Variants in NARS2 observed in about 807,000 individuals in gnomAD.
The protein encoded by NARS2 is asparaginyl-tRNA synthetase 2, mitochondrial.
A neutral mutation model predicts 62.9 loss-of-function variants in NARS2; 60 were observed. That is an observed-to-expected ratio of 0.95 (90% CI 0.77 to 1.18). The LOEUF (loss-of-function observed/expected upper bound fraction) is 1.18. NARS2 is among the 50% of genes most tolerant of loss of function. The probability of loss-of-function intolerance (pLI) is 0.00; values close to 1 mark genes in which losing one functional copy is unlikely to be tolerated. For missense variants in NARS2, 619 were observed against 576.4 expected, an observed-to-expected ratio of 1.07 and a Z score of -0.76; for synonymous variants, 196 against 200.0, an observed-to-expected ratio of 0.98 and a Z score of 0.17.
At chr11:78,451,684 C>T (rs1269093191) in intron 11 of NARS2, among the ~76,000 whole-genome samples, 4 of 152,216 alleles carry the variant, frequency 2.6e-5, no homozygotes, top group African/African-American at 7.2e-5. Flanking sequence ...AAAAGTGCTA[C>T]AGCAGAGATT....
chr11:78,441,896 T>A (rs1199992552), intron 12 of NARS2, among the ~76,000 whole-genome samples: 1 of 152,208 alleles, frequency 6.6e-6, no homozygotes, highest in Middle Eastern at 3.2e-3. Flanking sequence ...AATAAAATTT[T>A]AAATTCTTAG....
intron 5 of NARS2, among the ~76,000 whole-genome samples, chr11:78,554,029 TG>T (rs796359451): frequency 9.8e-5 from 15 of 152,330 alleles, no homozygotes; most frequent in African/African-American, 3.4e-4. Context: ...TTGTCAGCTT[TG>T]GGGAGGATCA....
chr11:78,563,808 G>A (rs67659196), intron 4 of NARS2, among the ~76,000 whole-genome samples: 65,169 of 94,052 alleles, frequency 0.69, 23,627 homozygotes, highest in Non-Finnish European at 0.8. Flanking sequence ...TCCAGCCTGG[G>A]CAACAGAGTG....
chr11:78,510,271 T>A (rs1302686837), intron 6 of NARS2, among the ~76,000 whole-genome samples: 1 of 151,756 alleles, frequency 6.6e-6, no homozygotes, highest in Non-Finnish European at 1.5e-5. Flanking sequence ...AAACTGAAAG[T>A]GAAAGGATGG....
chr11:78,540,202 T>C (rs1053365108), intron 5 of NARS2, among the ~76,000 whole-genome samples: 11 of 152,228 alleles, frequency 7.2e-5, no homozygotes, highest in African/African-American at 2.7e-4. Context: ...AAAAAATTTT[T>C]TTAATGTGTG....
At chr11:78,440,845 A>AT (rs1487130867) in intron 13 of NARS2, among the ~76,000 whole-genome samples, 1 of 152,096 alleles carries the variant, frequency 6.6e-6, no homozygotes, top group Admixed American at 6.6e-5. Flanking sequence ...TATACATAAA[A>AT]TTTTTAACAT....
intron 3 of NARS2, among the ~76,000 whole-genome samples, chr11:78,567,111 G>C (rs1486519045): frequency 2.0e-5 from 3 of 152,114 alleles, no homozygotes; most frequent in Non-Finnish European, 4.4e-5. Context: ...CTGAATCAGA[G>C]GGCTTCAGGG....
At chr11:78,467,428 T>A (rs1429552448) in intron 10 of NARS2, among the ~76,000 whole-genome samples, 1 of 151,704 alleles carries the variant, frequency 6.6e-6, no homozygotes, top group East Asian at 1.9e-4. Flanking sequence ...TCCCAGATAG[T>A]TGGGAGACTG....
intron 6 of NARS2, among the ~76,000 whole-genome samples, chr11:78,512,293 T>G (rs1472427986): frequency 6.6e-6 from 1 of 152,198 alleles, no homozygotes; most frequent in Non-Finnish European, 1.5e-5. Context: ...TTGTATGAAC[T>G]CCAGTTCTGT....
chr11:78,476,091 G>C (rs890172172), intron 9 of NARS2, among the ~76,000 whole-genome samples: 5 of 152,234 alleles, frequency 3.3e-5, no homozygotes, highest in African/African-American at 1.2e-4. Flanking sequence ...GCTGAGGCTA[G>C]GTGGGGTGGC....
intron 9 of NARS2, among the ~76,000 whole-genome samples, chr11:78,473,921 T>C (rs17136693): frequency 0.012 from 1,856 of 152,264 alleles, 29 homozygotes; most frequent in African/African-American, 0.043. Context: ...TGTCATCTCA[T>C]TGCTGTTAAA....
At position 78,514,709 on chromosome 11, in the gene NARS2, G is replaced by A. The variant is rs193243938; in HGVS notation, c.689+14133C>T. ...TACACTTGAAATGGAGAAAAGGCAGGTTAGTATTCCCTTCACAAAGGAATT... is the reference window on the plus strand; with the variant it reads ...TACACTTGAAATGGAGAAAAGGCAGATTAGTATTCCCTTCACAAAGGAATT... On this transcript the variant is annotated intron_variant, in intron 6 of 13. Transcript: ENST00000281038. Among the ~76,000 whole-genome samples, 778 of 152,240 alleles carry A rather than the reference G, an allele frequency of 5.1e-3. 5 individuals are homozygous for A. Among genetic ancestry groups the A allele is most frequent in the Non-Finnish European group, 8.1e-3 (548 of 68,024 alleles).
At chr11:78,475,913 A>C (rs1402855426) in intron 9 of NARS2, among the ~76,000 whole-genome samples, 1 of 152,054 alleles carries the variant, frequency 6.6e-6, no homozygotes, top group Non-Finnish European at 1.5e-5. Flanking sequence ...ACTTTTTGAT[A>C]ACAGCCATTC....
At chr11:78,563,294 T>C (rs1856615217) in intron 4 of NARS2, among the ~76,000 whole-genome samples, 1 of 146,970 alleles carries the variant, frequency 6.8e-6, no homozygotes, top group Admixed American at 7.1e-5. Flanking sequence ...CTCGGTTCAC[T>C]GCAACCTCCG....
chr11:78,467,336 G>A (rs957445118), intron 10 of NARS2, among the ~76,000 whole-genome samples: 2 of 152,032 alleles, frequency 1.3e-5, no homozygotes, highest in African/African-American at 4.8e-5. Flanking sequence ...GAGCACAGAA[G>A]CCCGAGACTA....
intron 5 of NARS2, 149 bp downstream of exon 5, chr11:78,559,390 T>C (rs2135515569): frequency 1.7e-6 from 1 of 585,634 alleles, no homozygotes; most frequent in Non-Finnish European, 3.0e-6. Flanking sequence ...CTGGTTTGAA[T>C]TGTCTATGTA....
intron 6 of NARS2, among the ~76,000 whole-genome samples, chr11:78,509,429 T>C (rs1860631995): frequency 6.6e-6 from 1 of 152,182 alleles, no homozygotes. Flanking sequence ...ATGATTATAA[T>C]TGTAAAGATT....
At chr11:78,447,170 T>G (rs376537914) in intron 11 of NARS2, among the ~76,000 whole-genome samples, 2 of 91,744 alleles carry the variant, frequency 2.2e-5, no homozygotes, top group Non-Finnish European at 4.4e-5. Context: ...TGTTAGTGTT[T>G]TTTTTTTTCT....
chr11:78,471,908 C>A (rs928314063), intron 9 of NARS2, among the ~76,000 whole-genome samples: 1 of 152,020 alleles, frequency 6.6e-6, no homozygotes, highest in Admixed American at 6.5e-5. Context: ...TGTATATGTG[C>A]CACATAAAGT....
Sources: gnomAD v4.1 joint callset for allele counts (sites outside exome capture counted in the v4.1 genomes callset) on GRCh38, gnomAD v4.1.1 for gene constraint, MANE v1.5 for transcripts, NCBI Gene and HGNC (gene_info 2026-07-23, HGNC 2026-07-21) for gene names.